The following CACNA1A variants were observed in gnomAD, a reference collection of about 807,000 sequenced individuals.
CACNA1A encodes calcium voltage-gated channel subunit alpha1 A, also known as voltage-dependent P/Q-type calcium channel subunit alpha-1A.
CACNA1A carries 57 observed loss-of-function variants against 262.4 expected under a neutral mutation model. That is an observed-to-expected ratio of 0.22 (90% CI 0.18 to 0.27). CACNA1A has a LOEUF of 0.27. Ranked by LOEUF, CACNA1A falls within the 10% of genes least tolerant of loss-of-function variation. The pLI is 1.00. For missense variants in CACNA1A, 2,526 were observed against 3,562.8 expected, an observed-to-expected ratio of 0.71 and a Z score of 7.41; for synonymous variants, 1,431 against 1,419.3, an observed-to-expected ratio of 1.01 and a Z score of -0.18.
intron 10 of CACNA1A, among the ~76,000 whole-genome samples, chr19:13,320,406 C>T (rs2058229968): frequency 6.6e-6 from 1 of 152,204 alleles, no homozygotes; most frequent in Non-Finnish European, 1.5e-5. Context: ...ACACTTCCTA[C>T]CTCAAAGGGC....
intron 4 of CACNA1A, among the ~76,000 whole-genome samples, chr19:13,370,225 C>T (rs1006888226): frequency 2.7e-5 from 4 of 150,812 alleles, no homozygotes; most frequent in Non-Finnish European, 4.4e-5. Flanking sequence ...CTCAGCCTCC[C>T]GAGTAGCTGG....
At chr19:13,381,681 C>T (rs755746904) in intron 3 of CACNA1A, among the ~76,000 whole-genome samples, 13 of 152,228 alleles carry the variant, frequency 8.5e-5, no homozygotes, top group Non-Finnish European at 1.9e-4. Flanking sequence ...CTCTCCCCCT[C>T]ACTCACTCTG....
intron 30 of CACNA1A, among the ~76,000 whole-genome samples, chr19:13,248,323 T>C (rs137955026): frequency 4.7e-4 from 67 of 143,726 alleles, no homozygotes; most frequent in African/African-American, 1.6e-3. Flanking sequence ...TGCCTATAAT[T>C]CCAGCACTTT....
At chr19:13,441,975 G>A (rs2060729623) in intron 3 of CACNA1A, among the ~76,000 whole-genome samples, 1 of 152,160 alleles carries the variant, frequency 6.6e-6, no homozygotes, top group Non-Finnish European at 1.5e-5. Context: ...AGGTCACCTG[G>A]CCATCTGGCC....
At chr19:13,349,907 C>T (rs1401488831) in intron 6 of CACNA1A, among the ~76,000 whole-genome samples, 1 of 152,148 alleles carries the variant, frequency 6.6e-6, no homozygotes, top group East Asian at 1.9e-4. Flanking sequence ...CAAGGCTACC[C>T]AGAGCCTTCT....
intron 38 of CACNA1A, among the ~76,000 whole-genome samples, chr19:13,216,335 T>G (rs1568427994): frequency 6.6e-6 from 1 of 152,180 alleles, no homozygotes. Context: ...TATTATTATT[T>G]TTATTATTGT....
Position 13,417,889 on chromosome 19 carries a change from CAAAAA to C in CACNA1A, c.539+34982_539+34986del, listed in dbSNP as rs113789898. On this transcript the variant is annotated intron_variant, in intron 3 of 46. Transcript: ENST00000360228. Reference sequence around the variant, plus strand: ...TGGGTGACAGAGCAAGACTCCATCTCAAAAAAAAAAAAAAAAAAAGAGAACCATAG... The same window carrying C: ...TGGGTGACAGAGCAAGACTCCATCTCAAAAAAAAAAAAAAGAGAACCATAG... Among the ~76,000 whole-genome samples the C allele has an allele frequency of 9.5e-4, 79 of 83,378 alleles. 1 individual carries two copies. In the South Asian group the frequency reaches 0.035, roughly 37 times the overall value. The allele number at this position is 83,378 out of a possible 152,430, so 54.7% of individuals were successfully genotyped here.
chr19:13,402,813 C>CATATATACACACATATATATACAT (rs1464909176), intron 3 of CACNA1A, among the ~76,000 whole-genome samples: 2 of 118,424 alleles, frequency 1.7e-5, no homozygotes, highest in Non-Finnish European at 3.4e-5. Flanking sequence ...TATATATATA[C>CATATATACACACATATATATACAT]ATATATACAC....
chr19:13,434,787 TTTATTA>T (rs903988042), intron 3 of CACNA1A, among the ~76,000 whole-genome samples: 1 of 151,906 alleles, frequency 6.6e-6, no homozygotes, highest in East Asian at 1.9e-4. Flanking sequence ...TTTTTATTTA[TTTATTA>T]TTATTATTAT....
At chr19:13,346,277 G>C (rs994385969) in intron 6 of CACNA1A, among the ~76,000 whole-genome samples, 2 of 151,850 alleles carry the variant, frequency 1.3e-5, no homozygotes, top group African/African-American at 2.4e-5. Flanking sequence ...TGGACATCTG[G>C]GCAGCTACAT....
chr19:13,209,054 G>A (rs1048525114), intron 45 of CACNA1A, 45 bp from the exon 46 acceptor site: 9 of 1,536,158 alleles, frequency 5.9e-6, no homozygotes, highest in African/African-American at 2.7e-5. Context: ...GGTCGTGAGG[G>A]AGAGGTGGGG....
intron 15 of CACNA1A, among the ~76,000 whole-genome samples, chr19:13,304,844 A>G (rs1406883831): frequency 6.6e-6 from 1 of 152,028 alleles, no homozygotes; most frequent in Non-Finnish European, 1.5e-5. Flanking sequence ...TGAGAGAATA[A>G]ATGTTTCCTG....
chr19:13,283,361 C>T lies in CACNA1A; in HGVS notation c.3728G>A (p.Arg1243His). Residue 1243 changes from arginine to histidine, a missense_variant, in exon 22 of 47, where the codon CGC becomes CAC. Physicochemically the swap from Arg to His is conservative, Grantham distance 29. Transcript: ENST00000360228. ...CATGAGGATGCACATCTCAAAGTAG[C>T]GCAGGTTCAGGATGTAATGGCACAG... is the stretch of plus-strand genomic sequence containing the variant. ...RRLCHYILNL[R>H]YFEMCILMVI... The T allele has an allele frequency of 1.9e-6, 3 of 1,613,936 alleles. No homozygotes were observed. Among genetic ancestry groups the T allele is most frequent in the East Asian group, 2.2e-5 (1 of 44,876 alleles).
chr19:13,289,756 G>C (rs1355252347), intron 19 of CACNA1A, among the ~76,000 whole-genome samples: 1 of 152,092 alleles, frequency 6.6e-6, no homozygotes, highest in Non-Finnish European at 1.5e-5. Context: ...TGTCTTGCTG[G>C]ATTTAGCACT....
intron 38 of CACNA1A, among the ~76,000 whole-genome samples, chr19:13,216,603 C>T (rs1352222340): frequency 6.6e-6 from 1 of 152,116 alleles, no homozygotes; most frequent in African/African-American, 2.4e-5. Context: ...GCTGGGATTA[C>T]AGGCATGAGC....
At chr19:13,365,591 C>A in intron 4 of CACNA1A, 122 bp from the exon 5 acceptor site, 1 of 779,698 alleles carries the variant, frequency 1.3e-6, no homozygotes, top group South Asian at 2.0e-5. Context: ...ATTAAGCACC[C>A]AGGAGCCTGG....
intron 1 of CACNA1A, among the ~76,000 whole-genome samples, chr19:13,457,281 C>A (rs200500396): frequency 3.2e-4 from 49 of 151,956 alleles, no homozygotes; most frequent in Middle Eastern, 3.4e-3. Flanking sequence ...ACAACAACAA[C>A]AAAAAAACAC....
At chr19:13,311,615 A>G (rs1020956428) in intron 12 of CACNA1A, among the ~76,000 whole-genome samples, 42 of 152,222 alleles carry the variant, frequency 2.8e-4, no homozygotes, top group Admixed American at 2.0e-4. Flanking sequence ...AGGCGGGTGG[A>G]TCACGAGGTC....
intron 1 of CACNA1A, among the ~76,000 whole-genome samples, chr19:13,487,793 G>A (rs187693417): frequency 8.6e-4 from 130 of 151,944 alleles, no homozygotes; most frequent in East Asian, 9.7e-4. Context: ...CAAGGCACTC[G>A]CTCAGCATTT....
Sources: allele counts gnomAD v4.1 joint callset (sites outside exome capture counted in the v4.1 genomes callset), GRCh38; gene constraint gnomAD v4.1.1; transcripts MANE v1.5; gene names NCBI Gene and HGNC (gene_info 2026-07-23, HGNC 2026-07-21).